FNDC3B: variants seen among roughly 807,000 people sequenced by gnomAD.
FNDC3B encodes fibronectin type III domain containing 3B.
A neutral mutation model predicts 151.5 loss-of-function variants in FNDC3B; 12 were observed. The ratio of observed to expected loss-of-function variants is 0.08; its 90% confidence interval spans 0.05 to 0.13. The LOEUF is 0.13. FNDC3B is among the 10% of genes least tolerant of loss of function. FNDC3B has a pLI of 1.00. For synonymous variants in FNDC3B, 528 were observed against 549.0 expected (o/e 0.96, Z 0.54); for missense variants, 1,214 against 1,505.3 (o/e 0.81, Z 3.20).
intron 3 of FNDC3B, among the ~76,000 whole-genome samples, chr3:172,206,743 C>A (rs935934482): frequency 4.0e-5 from 6 of 149,042 alleles, no homozygotes; most frequent in Non-Finnish European, 8.9e-5. Flanking sequence ...AAAAATAGGT[C>A]ACACTTTATT....
intron 12 of FNDC3B, chr3:172,330,331 G>GGT: frequency 4.2e-6 from 2 of 478,706 alleles, no homozygotes; most frequent in South Asian, 3.5e-5. Context: ...CCTGTGACTT[G>GGT]GTGTGTGTGT....
chr3:172,121,332 T>C, intron 2 of FNDC3B, among the ~76,000 whole-genome samples: 1 of 152,256 alleles, frequency 6.6e-6, no homozygotes, highest in Non-Finnish European at 1.5e-5. Flanking sequence ...TGAATTAGGC[T>C]GGGCGCTGGT....
chr3:172,196,916 C>T (rs1043959946), intron 3 of FNDC3B, among the ~76,000 whole-genome samples: 2 of 152,206 alleles, frequency 1.3e-5, no homozygotes, highest in African/African-American at 4.8e-5. Context: ...GGCATGGTGG[C>T]TCACGCCTGT....
intron 3 of FNDC3B, among the ~76,000 whole-genome samples, chr3:172,162,063 G>C (rs547022347): frequency 6.7e-6 from 1 of 148,592 alleles, no homozygotes; most frequent in South Asian, 2.1e-4. Flanking sequence ...TGCAACCTCC[G>C]CCTCCCAGAT....
At chr3:172,106,538 T>G (rs937322664) in intron 1 of FNDC3B, among the ~76,000 whole-genome samples, 1 of 152,266 alleles carries the variant, frequency 6.6e-6, no homozygotes, top group Non-Finnish European at 1.5e-5. Context: ...CGTACTGTAC[T>G]GCTAACTCAC....
At chr3:172,195,397 A>G (rs1382002981) in intron 3 of FNDC3B, among the ~76,000 whole-genome samples, 5 of 152,362 alleles carry the variant, frequency 3.3e-5, no homozygotes, top group Admixed American at 2.0e-4. Context: ...ACTATGTAGC[A>G]TTTTTTAAAA....
At chr3:172,291,515 G>A (rs924847257) in intron 7 of FNDC3B, among the ~76,000 whole-genome samples, 1 of 152,186 alleles carries the variant, frequency 6.6e-6, no homozygotes, top group African/African-American at 2.4e-5. Context: ...AATTTTGTGA[G>A]TCCTTCAAGG....
At chr3:172,151,167 A>G (rs1398008557) in intron 3 of FNDC3B, among the ~76,000 whole-genome samples, 2 of 152,150 alleles carry the variant, frequency 1.3e-5, no homozygotes, top group African/African-American at 2.4e-5. Flanking sequence ...TTGTGTGTGC[A>G]TATGTATGCA....
intron 1 of FNDC3B, among the ~76,000 whole-genome samples, chr3:172,045,790 CTCTCTA>C (rs971445651): frequency 2.0e-4 from 27 of 138,060 alleles, no homozygotes; most frequent in African/African-American, 7.8e-4. Context: ...CTCTCTCTCT[CTCTCTA>C]TATATATATA....
chr3:172,290,877 AGTATTTGTGT>A (rs760687143), intron 7 of FNDC3B, among the ~76,000 whole-genome samples: 2 of 152,146 alleles, frequency 1.3e-5, no homozygotes, highest in Non-Finnish European at 2.9e-5. Context: ...AAGTGAAGCC[AGTATTTGTGT>A]GGTAATATTT....
chr3:172,307,548 C>T lies in FNDC3B; in HGVS notation c.1200+47C>T, dbSNP rs369529732. 135 of 1,604,458 alleles carry T rather than the reference C, an allele frequency of 8.4e-5. 1 individual carries two copies. The highest frequency in any genetic ancestry group is 2.0e-5 in the Non-Finnish European group (23 of 1,172,548). ...GAATCGTCTCAATTTAAAAATTAGC[C>T]AGGTGTGGTGGCAACGTGTTCCTAG... is the stretch of plus-strand genomic sequence containing the variant. On this transcript the variant is annotated intron_variant, in intron 10 of 25. Coordinates refer to ENST00000415807, the MANE Select transcript of FNDC3B (RefSeq NM_022763.4).
chr3:172,227,541 T>C (rs1726653635), intron 4 of FNDC3B, among the ~76,000 whole-genome samples: 1 of 152,194 alleles, frequency 6.6e-6, no homozygotes, highest in Admixed American at 6.5e-5. Flanking sequence ...GAAGTTATGT[T>C]CCTGTACGTG....
At chr3:172,298,411 T>C (rs1730743358) in intron 8 of FNDC3B, among the ~76,000 whole-genome samples, 1 of 152,238 alleles carries the variant, frequency 6.6e-6, no homozygotes, top group Admixed American at 6.5e-5. Context: ...TTTATTCATT[T>C]GTTTGTTCAT....
At chr3:172,376,849 TAA>T (rs752232518) in intron 23 of FNDC3B, among the ~76,000 whole-genome samples, 33 of 117,738 alleles carry the variant, frequency 2.8e-4, no homozygotes, top group Admixed American at 3.4e-4. Flanking sequence ...CAGGCTTTGT[TAA>T]AAAAAAAAAA....
intron 1 of FNDC3B, among the ~76,000 whole-genome samples, chr3:172,109,093 T>C (rs1719825585): frequency 6.6e-6 from 1 of 152,214 alleles, no homozygotes; most frequent in African/African-American, 2.4e-5. Flanking sequence ...TGTTACCTTA[T>C]ATTCTTGTCA....
At chr3:172,268,993 C>T (rs1446301853) in intron 6 of FNDC3B, among the ~76,000 whole-genome samples, 3 of 152,184 alleles carry the variant, frequency 2.0e-5, no homozygotes, top group Admixed American at 6.5e-5. Flanking sequence ...GTCTGAAATA[C>T]ATTTTCCATT....
intron 9 of FNDC3B, among the ~76,000 whole-genome samples, chr3:172,299,583 G>A (rs1467518357): frequency 6.6e-6 from 1 of 150,780 alleles, no homozygotes; most frequent in Admixed American, 6.6e-5. Context: ...AGAAAATATA[G>A]TTTTATTTAA....
At chr3:172,126,936 A>G (rs1001605228) in intron 2 of FNDC3B, 10 of 451,148 alleles carry the variant, frequency 2.2e-5, no homozygotes, top group African/African-American at 2.0e-4. Flanking sequence ...ATGGATTCCT[A>G]TAGGAGTCAC....
rs116145037 is a variant in FNDC3B, at chr3:172,352,486, C to G, written c.2515-317C>G. Among the ~76,000 whole-genome samples the G allele has an allele frequency of 0.012, 1,773 of 152,192 alleles. 13 individuals carry two copies. Among genetic ancestry groups the G allele is most frequent in the Non-Finnish European group, 0.017 (1,131 of 68,004 alleles). On this transcript the variant is annotated intron_variant, in intron 21 of 25. Coordinates refer to ENST00000415807, the MANE Select transcript of FNDC3B (RefSeq NM_022763.4). This position sits in a 1 kb window ranked among gnomAD's most constrained non-coding sequence, Gnocchi z 4.2. ...GATAAGAATACCTACCATTTAAGAT[C>G]TACCACAGGGGGTTATTATGAAGAT...
Sources: gnomAD v4.1 joint callset for allele counts (sites outside exome capture counted in the v4.1 genomes callset) on GRCh38, gnomAD v4.1.1 for gene constraint, Gnocchi (gnomAD v3.1) non-coding constraint, MANE v1.5 for transcripts, NCBI Gene and HGNC (gene_info 2026-07-23, HGNC 2026-07-21) for gene names.